Variants in UTRN observed in about 807,000 individuals in gnomAD.
The protein encoded by UTRN is dystrophin-related protein 1.
In UTRN, 283 loss-of-function variants were observed where a neutral mutation model predicts 463.9. The observed-to-expected ratio is 0.61, with a 90% CI of 0.55 to 0.67. The LOEUF is 0.67. UTRN is among the 30% of genes least tolerant of loss of function. The pLI is 0.00. For missense variants in UTRN, 3,922 were observed against 4,084.3 expected (o/e 0.96, Z 1.08); for synonymous variants, 1,442 against 1,431.5 (o/e 1.01, Z -0.17).
At chr6:144,522,458 T>C (rs1383995094) in intron 40 of UTRN, among the ~76,000 whole-genome samples, 1 of 152,236 alleles carries the variant, frequency 6.6e-6, no homozygotes, top group Non-Finnish European at 1.5e-5. Context: ...TCCTGTCTTA[T>C]AAACTAGATT....
intron 74 of UTRN, among the ~76,000 whole-genome samples, chr6:144,847,387 G>GTTTTGTTTTGTTT (rs1344917202): frequency 7.2e-6 from 1 of 138,964 alleles, no homozygotes; most frequent in Non-Finnish European, 1.6e-5. Flanking sequence ...TTTGTAGCCT[G>GTTTTGTTTTGTTT]TTTTGTTTTG....
chr6:144,612,735 G>T (rs762121436), intron 51 of UTRN, among the ~76,000 whole-genome samples: 3 of 151,984 alleles, frequency 2.0e-5, no homozygotes, highest in Non-Finnish European at 4.4e-5. Flanking sequence ...AAAAGGAAAA[G>T]AACTCATATA....
chr6:144,652,752 A>C (rs901780629), intron 51 of UTRN, among the ~76,000 whole-genome samples: 1 of 152,204 alleles, frequency 6.6e-6, no homozygotes, highest in African/African-American at 2.4e-5. Flanking sequence ...AAAGTAACTT[A>C]TGACAACAAA....
intron 2 of UTRN, among the ~76,000 whole-genome samples, chr6:144,401,111 C>T (rs1368265934): frequency 6.6e-6 from 1 of 152,040 alleles, no homozygotes; most frequent in African/African-American, 2.4e-5. Flanking sequence ...GAATTTTTTC[C>T]ATTTTTATGG....
chr6:144,816,751 AT>A (rs1344759919), intron 65 of UTRN, among the ~76,000 whole-genome samples: 4 of 85,818 alleles, frequency 4.7e-5, no homozygotes, highest in Admixed American at 1.5e-4. Context: ...TTTTTTTTAA[AT>A]TTTTTTTTAT....
intron 33 of UTRN, among the ~76,000 whole-genome samples, chr6:144,498,634 T>G (rs181196065): frequency 2.0e-5 from 3 of 152,092 alleles, no homozygotes; most frequent in Admixed American, 2.0e-4. Flanking sequence ...TTATGTGTGT[T>G]TTTCTCGCTT....
chr6:144,827,463 G>A lies in UTRN; in HGVS notation c.9533+77G>A, dbSNP rs531062355. On this transcript the variant is annotated intron_variant, in intron 67 of 74. Transcript: ENST00000367545. ...GCATGGGGGTCTTACTAAACTCTTGGTCTAAAATAATACTTCTGTGTTCCG... is the reference window on the plus strand; with the variant it reads ...GCATGGGGGTCTTACTAAACTCTTGATCTAAAATAATACTTCTGTGTTCCG... 3 of 1,605,778 alleles carry A rather than the reference G, an allele frequency of 1.9e-6. No homozygotes were observed. In the Admixed American group the frequency reaches 5.0e-5, roughly 27 times the overall value.
chr6:144,739,118 A>G (rs1173279011), intron 54 of UTRN, among the ~76,000 whole-genome samples: 1 of 152,170 alleles, frequency 6.6e-6, no homozygotes, highest in Non-Finnish European at 1.5e-5. Flanking sequence ...TTTAGTACAT[A>G]ATATGGTATG....
intron 51 of UTRN, among the ~76,000 whole-genome samples, chr6:144,676,380 G>A (rs6923481): frequency 0.58 from 88,164 of 151,936 alleles, 27,259 homozygotes; most frequent in East Asian, 0.87. Context: ...TTTTAAATCA[G>A]ATAACTTCAC....
At chr6:144,389,239 C>G (rs999159498) in intron 2 of UTRN, among the ~76,000 whole-genome samples, 1 of 152,196 alleles carries the variant, frequency 6.6e-6, no homozygotes, top group Admixed American at 6.5e-5. Context: ...ATCTGATTAG[C>G]CTCTCCGAAG....
intron 51 of UTRN, among the ~76,000 whole-genome samples, chr6:144,602,456 C>T (rs542204278): frequency 6.6e-6 from 1 of 152,158 alleles, no homozygotes; most frequent in South Asian, 2.1e-4. Context: ...GCATATTTCT[C>T]ATCACAAAAG....
At chr6:144,750,259 T>A (rs1373744273) in intron 55 of UTRN, among the ~76,000 whole-genome samples, 1 of 152,022 alleles carries the variant, frequency 6.6e-6, no homozygotes, top group African/African-American at 2.4e-5. Flanking sequence ...CTCTTCTTAT[T>A]TAATTGTATT....
chr6:144,572,393 A>C (rs1186384411), intron 50 of UTRN, among the ~76,000 whole-genome samples: 1 of 151,896 alleles, frequency 6.6e-6, no homozygotes, highest in Non-Finnish European at 1.5e-5. Flanking sequence ...TTTTAAAAAA[A>C]TTTTTACTTT....
chr6:144,359,842 C>T (rs1308227677), intron 2 of UTRN, among the ~76,000 whole-genome samples: 3 of 151,446 alleles, frequency 2.0e-5, no homozygotes, highest in African/African-American at 7.3e-5. Context: ...CTGAGTAGAA[C>T]ATTGATTGAG....
chr6:144,566,735 C>G (rs886327077), intron 50 of UTRN, among the ~76,000 whole-genome samples: 2 of 152,022 alleles, frequency 1.3e-5, no homozygotes, highest in African/African-American at 4.8e-5. Context: ...TGGGATTTTG[C>G]CTGGAAGATG....
Position 144,493,331 on chromosome 6 carries a change from C to A in UTRN, c.4468C>A (p.Leu1490Ile), listed in dbSNP as rs1176855153. Residue 1490 changes from leucine (L) to isoleucine (I), a missense_variant, in exon 33 of 75, where the codon CTT becomes ATT. Coordinates refer to ENST00000367545, the MANE Select transcript of UTRN (RefSeq NM_007124.3). ...GTATAAAACTTTGAGTGAAGTCAAA[C>A]TTGAAGTGGAAACTGTGATTAAAAC... ...KLYKTLSEVK[L>I]EVETVIKTGR... 2 of 1,614,078 alleles carry A rather than the reference C, an allele frequency of 1.2e-6. No individual in the cohort carries two copies. Among genetic ancestry groups the A allele is most frequent in the Admixed American group, 1.7e-5 (1 of 60,010 alleles).
chr6:144,760,360 C>T (rs879855998), intron 58 of UTRN, among the ~76,000 whole-genome samples: 20 of 152,116 alleles, frequency 1.3e-4, no homozygotes, highest in African/African-American at 3.4e-4. Flanking sequence ...TAAATAATAA[C>T]GTTTAGGACT....
intron 54 of UTRN, among the ~76,000 whole-genome samples, chr6:144,734,472 C>A (rs758560844): frequency 4.6e-5 from 7 of 152,136 alleles, no homozygotes; most frequent in Non-Finnish European, 1.0e-4. Context: ...AAGCCCCTGC[C>A]CCCTCCCGTC....
intron 35 of UTRN, among the ~76,000 whole-genome samples, chr6:144,512,700 C>T (rs1795281486): frequency 6.6e-6 from 1 of 151,708 alleles, no homozygotes; most frequent in South Asian, 2.1e-4. Context: ...GCCACCACAC[C>T]CGGCTAATTT....
Sources: allele counts gnomAD v4.1 joint callset (sites outside exome capture counted in the v4.1 genomes callset), GRCh38; gene constraint gnomAD v4.1.1; transcripts MANE v1.5; gene names NCBI Gene and HGNC (gene_info 2026-07-23, HGNC 2026-07-21).